Variants in BUD13 observed in about 807,000 individuals in gnomAD.
BUD13 encodes BUD13 homolog.
Under a neutral mutation model 62.5 loss-of-function variants are expected in BUD13, and 47 were observed. The observed-to-expected ratio is 0.75, with a 90% confidence interval of 0.60 to 0.96. BUD13 has a LOEUF of 0.96. BUD13 is among the 40% of genes least tolerant of loss of function. BUD13 has a pLI of 0.00. For synonymous variants in BUD13, 293 were observed against 280.1 expected, an observed-to-expected ratio of 1.05 and a Z score of -0.46; for missense variants, 821 against 790.9, an observed-to-expected ratio of 1.04 and a Z score of -0.46.
intron 2 of BUD13, among the ~76,000 whole-genome samples, chr11:116,766,044 G>A (rs2134182710): frequency 6.6e-6 from 1 of 152,210 alleles, no homozygotes; most frequent in Middle Eastern, 3.4e-3. Flanking sequence ...ATCCCTTCCT[G>A]ACAAGGAACT....
At position 116,772,935 on chromosome 11, in the gene BUD13, G is replaced by A. The variant is rs751067513; in HGVS notation, c.30C>T (p.Ala10=). MAAAPPLSK[A]EYLKRYLSGA... The stretch of plus-strand genomic sequence containing the variant: ...CGGACAAGTAACGCTTCAGATACTC[G>A]GCCTTGGAAAGCGGCGGAGCTGCCG... The change falls in exon 1 of 10, where the codon GCC becomes GCT. Residue 10 remains alanine, a synonymous_variant. Coordinates refer to ENST00000260210, the MANE Select transcript of BUD13 (RefSeq NM_032725.4). 31 of 1,578,140 alleles carry A rather than the reference G, an allele frequency of 2.0e-5. No individual in the cohort carries two copies. The African/African-American group carries it at 4.0e-4, about 20-fold the overall frequency.
rs370368913 is a variant in BUD13, at chr11:116,763,122, C to T, written c.467G>A (p.Arg156His). 7.5e-6 allele frequency: 12 copies of T among 1,605,116 alleles called. No individual in the cohort carries two copies. Among genetic ancestry groups the T allele is most frequent in the Middle Eastern group, 1.7e-4 (1 of 6,024 alleles). Reference sequence around the variant, plus strand: ...GGGAGAAGGATCCGGGGTGTCATGACGGGCCCTCCTAGGAGATGGATCCGG... The same window carrying T: ...GGGAGAAGGATCCGGGGTGTCATGATGGGCCCTCCTAGGAGATGGATCCGG... ...DTPDPSPRRA[R>H]HDTPDPSPLR... Residue 156 changes from arginine (R) to histidine (H), a missense_variant, in exon 4 of 10, where the codon CGT becomes CAT. Around this residue, in one of 2 missense-constraint regions of BUD13, gnomAD observed 800 missense variants for 739.2 expected, o/e 1.08. Coordinates refer to ENST00000260210, the MANE Select transcript of BUD13 (RefSeq NM_032725.4).
Position 116,763,187 on chromosome 11 carries a change from A to G in BUD13, c.402T>C (p.Gly134=), listed in dbSNP as rs1272762407. 1.9e-6 allele frequency: 3 copies of G among 1,593,158 alleles called. No homozygotes were observed. Among genetic ancestry groups the G allele is most frequent in the East Asian group, 2.2e-5 (1 of 44,634 alleles). ...CCTTCCTAGGAGATGGATCTGGGGT[A>G]CCATGACGGACCCTCCTAGGAGATG... is the stretch of plus-strand genomic sequence containing the variant. The part of the protein sequence containing the change: ...PDSSPRRVRH[G]TPDPSPRKDR... The change falls in exon 4 of 10, where the codon GGT becomes GGC. Residue 134 remains glycine (G), a synonymous_variant. Transcript: ENST00000260210.
At chr11:116,766,473 G>C (rs1940531298) in intron 2 of BUD13, among the ~76,000 whole-genome samples, 1 of 152,154 alleles carries the variant, frequency 6.6e-6, no homozygotes, top group Admixed American at 6.6e-5. Context: ...CCAGTTTTGA[G>C]ATCTCTCACT....
chr11:116,755,913 T>G (rs1940314650), intron 9 of BUD13, among the ~76,000 whole-genome samples: 1 of 152,134 alleles, frequency 6.6e-6, no homozygotes, highest in African/African-American at 2.4e-5. Context: ...TCATCAGTAA[T>G]TTTTAAGAGC....
chr11:116,762,442 T>A, intron 4 of BUD13, 111 bp downstream of exon 4: 3 of 978,852 alleles, frequency 3.1e-6, no homozygotes, highest in Non-Finnish European at 4.5e-6. Flanking sequence ...CTCTCACTTT[T>A]CAAAACTTTC....
At chr11:116,749,884 TAA>T (rs541434018) in intron 9 of BUD13, among the ~76,000 whole-genome samples, 9 of 152,288 alleles carry the variant, frequency 5.9e-5, no homozygotes, top group African/African-American at 2.2e-4. Flanking sequence ...TTAGTAAGAC[TAA>T]TTAGCAGCAC....
chr11:116,755,533 C>T (rs1940307038), intron 9 of BUD13, among the ~76,000 whole-genome samples: 1 of 152,158 alleles, frequency 6.6e-6, no homozygotes, highest in South Asian at 2.1e-4. Flanking sequence ...CTTTAAGAAA[C>T]CAGCACTTGT....
At position 116,772,939 on chromosome 11, in the gene BUD13, T is replaced by C. The variant is rs200529528; in HGVS notation, c.26A>G (p.Lys9Arg). 1 of 1,575,836 alleles carries C rather than the reference T, an allele frequency of 6.3e-7. No homozygotes were observed. Among genetic ancestry groups the C allele is most frequent in the Non-Finnish European group, 8.6e-7 (1 of 1,160,246 alleles). Residue 9 changes from lysine (K) to arginine (R), a missense_variant, in exon 1 of 10, where the codon AAG becomes AGG. Around this residue, in one of 2 missense-constraint regions of BUD13, gnomAD observed 800 missense variants for 739.2 expected, o/e 1.08. Coordinates refer to ENST00000260210, the MANE Select transcript of BUD13 (RefSeq NM_032725.4). Reference sequence around the variant, plus strand: ...CAAGTAACGCTTCAGATACTCGGCCTTGGAAAGCGGCGGAGCTGCCGCCAT... The same window carrying C: ...CAAGTAACGCTTCAGATACTCGGCCCTGGAAAGCGGCGGAGCTGCCGCCAT... MAAAPPLSKAEYLKRYLSG... is the reference protein window; with the variant it reads MAAAPPLSRAEYLKRYLSG...
At chr11:116,755,583 T>C (rs921732473) in intron 9 of BUD13, among the ~76,000 whole-genome samples, 2 of 152,202 alleles carry the variant, frequency 1.3e-5, no homozygotes, top group Admixed American at 6.5e-5. Flanking sequence ...ATATGCCTTC[T>C]CTTTCTAACT....
intron 5 of BUD13, 86 bp from the exon 6 acceptor site, chr11:116,759,265 C>A: frequency 1.2e-6 from 1 of 849,810 alleles, no homozygotes; most frequent in African/African-American, 1.7e-5. Context: ...GCATTTGTGT[C>A]TAATGACCAG....
intron 4 of BUD13, among the ~76,000 whole-genome samples, chr11:116,761,180 T>C (rs1022422243): frequency 6.6e-6 from 1 of 152,054 alleles, no homozygotes; most frequent in African/African-American, 2.4e-5. Context: ...GCCTCCCAAG[T>C]AGCTGGAATT....
At position 116,762,981 on chromosome 11, in the gene BUD13, G is replaced by C. The variant is rs755798049; in HGVS notation, c.608C>G (p.Pro203Arg). 3.1e-6 allele frequency: 5 copies of C among 1,613,806 alleles called. No individual in the cohort carries two copies. The highest frequency in any genetic ancestry group is 2.7e-5 in the African/African-American group (2 of 74,940). The change falls in exon 4 of 10, where the codon CCA becomes CGA. Residue 203 changes from proline to arginine, a missense_variant. Coordinates refer to ENST00000260210, the MANE Select transcript of BUD13 (RefSeq NM_032725.4). ...TGAAGAATTATGCTGAGGCCTCCTT[G>C]GGGGAGAAGGATCTGGAGAATCATG... ...ARHDSPDPSP[P>R]RRPQHNSSGA...
chr11:116,760,971 T>C lies in BUD13; in HGVS notation c.1037-19A>G. On this transcript the variant is annotated intron_variant, in intron 4 of 9. Coordinates refer to ENST00000260210, the MANE Select transcript of BUD13 (RefSeq NM_032725.4). ...CAGTCACCTGGATAGGAGCAAAGAATCTGTGTGACTCTGATGTCCTCTAGG... is the reference window on the plus strand; with the variant it reads ...CAGTCACCTGGATAGGAGCAAAGAACCTGTGTGACTCTGATGTCCTCTAGG... 1 of 1,604,264 alleles carries C rather than the reference T, an allele frequency of 6.2e-7. No individual in the cohort carries two copies. The highest frequency in any genetic ancestry group is 8.5e-7 in the Non-Finnish European group (1 of 1,171,442).
chr11:116,759,466 T>C (rs1400116648), intron 5 of BUD13, among the ~76,000 whole-genome samples: 2 of 152,198 alleles, frequency 1.3e-5, no homozygotes, highest in African/African-American at 4.8e-5. Flanking sequence ...ATGAAGACTA[T>C]CTCAGGTCAT....
At chr11:116,772,066 G>A (rs1334593586) in intron 1 of BUD13, among the ~76,000 whole-genome samples, 1 of 152,104 alleles carries the variant, frequency 6.6e-6, no homozygotes, top group Non-Finnish European at 1.5e-5. Flanking sequence ...TGCTGTGTCT[G>A]TATCCATACT....
chr11:116,762,632 C>T lies in BUD13; in HGVS notation c.957G>A (p.Glu319=). ...GTGGAGGAGAGATGTCAGGGTCATACTCATATTTGCTGTTCTTTGGGAATG... is the reference window on the plus strand; with the variant it reads ...GTGGAGGAGAGATGTCAGGGTCATATTCATATTTGCTGTTCTTTGGGAATG... ...HLSFPKNSKY[E]YDPDISPPRK... The change falls in exon 4 of 10, where the codon GAG becomes GAA. Residue 319 remains glutamate (E), a synonymous_variant. Coordinates refer to ENST00000260210, the MANE Select transcript of BUD13 (RefSeq NM_032725.4). 1 of 1,614,142 alleles carries T rather than the reference C, an allele frequency of 6.2e-7. No individual in the cohort carries two copies. Among genetic ancestry groups the T allele is most frequent in the South Asian group, 1.1e-5 (1 of 91,080 alleles).
Position 116,762,976 on chromosome 11 carries a change from T to C in BUD13, c.613A>G (p.Arg205Gly). Residue 205 changes from arginine (R) to glycine (G), a missense_variant, in exon 4 of 10, where the codon AGG (arginine) becomes GGG (glycine). This residue lies in a region of BUD13 where 800 missense variants were observed against 739.2 expected (regional missense o/e 1.08). Transcript: ENST00000260210. ...GCACCTGAAGAATTATGCTGAGGCCTCCTTGGGGGAGAAGGATCTGGAGAA... is the reference window on the plus strand; with the variant it reads ...GCACCTGAAGAATTATGCTGAGGCCCCCTTGGGGGAGAAGGATCTGGAGAA... ...HDSPDPSPPR[R>G]PQHNSSGASP... 2 of 1,613,912 alleles carry C rather than the reference T, an allele frequency of 1.2e-6. No homozygotes were observed. The highest frequency in any genetic ancestry group is 1.7e-6 in the Non-Finnish European group (2 of 1,179,908).
intron 4 of BUD13, among the ~76,000 whole-genome samples, chr11:116,761,583 C>CT (rs1344525297): frequency 1.1e-4 from 17 of 152,180 alleles, no homozygotes; most frequent in African/African-American, 3.6e-4. Context: ...ACACACTCCT[C>CT]TATGTCAGTA....
Sources: gnomAD v4.1 joint callset for allele counts (sites outside exome capture counted in the v4.1 genomes callset) on GRCh38, gnomAD v4.1.1 for gene constraint, gnomAD v4.1.1 regional missense constraint, MANE v1.5 for transcripts, NCBI Gene and HGNC (gene_info 2026-07-23, HGNC 2026-07-21) for gene names.